The following LIPC variants were observed in gnomAD, a reference collection of about 807,000 sequenced individuals.
LIPC encodes the protein lipase C, hepatic type, also known as hepatic triacylglycerol lipase.
A neutral mutation model predicts 50.7 loss-of-function variants in LIPC; 44 were observed. That is an observed-to-expected ratio of 0.87 (90% CI 0.68 to 1.11). The LOEUF (loss-of-function observed/expected upper bound fraction) is 1.11. LIPC is among the 50% of genes most tolerant of loss of function. The pLI is 0.00. For synonymous variants in LIPC, 271 were observed against 256.4 expected (o/e 1.06, Z -0.54); for missense variants, 697 against 648.2 (o/e 1.08, Z -0.82).
chr15:58,490,795 C>T (rs1891560067), intron 1 of LIPC, among the ~76,000 whole-genome samples: 1 of 152,156 alleles, frequency 6.6e-6, no homozygotes, highest in Non-Finnish European at 1.5e-5. Context: ...GCTACCTGGT[C>T]GCTTCCGGCT....
At chr15:58,516,234 CTTCTTTTT>C (rs1479332214) in intron 1 of LIPC, among the ~76,000 whole-genome samples, 1 of 104,900 alleles carries the variant, frequency 9.5e-6, no homozygotes, top group Non-Finnish European at 2.0e-5. Context: ...TTACCTCTAG[CTTCTTTTT>C]TTTTTTTTTT....
intron 1 of LIPC, among the ~76,000 whole-genome samples, chr15:58,535,789 T>C (rs1893098448): frequency 6.6e-6 from 1 of 152,240 alleles, no homozygotes; most frequent in South Asian, 2.1e-4. Flanking sequence ...AGATAGGCAC[T>C]ATTTTTATCC....
chr15:58,534,567 G>T (rs1386389065), intron 1 of LIPC, among the ~76,000 whole-genome samples: 3 of 152,112 alleles, frequency 2.0e-5, no homozygotes, highest in African/African-American at 7.2e-5. Context: ...AGATTACAGG[G>T]CTCTCAGAGT....
At chr15:58,432,452 T>C in intron 1 of LIPC, 1 of 345,394 alleles carries the variant, frequency 2.9e-6, no homozygotes. Flanking sequence ...TGAGAGTTAA[T>C]GTGGCATCTA....
chr15:58,500,070 CAG>C (rs1891926526), intron 1 of LIPC, among the ~76,000 whole-genome samples: 1 of 152,138 alleles, frequency 6.6e-6, no homozygotes, highest in African/African-American at 2.4e-5. Context: ...GGGCACGGGG[CAG>C]AGTCTGATTC....
chr15:58,549,048 C>T (rs1324453800), intron 6 of LIPC, among the ~76,000 whole-genome samples: 2 of 152,172 alleles, frequency 1.3e-5, no homozygotes, highest in African/African-American at 4.8e-5. Flanking sequence ...ATGATATTCA[C>T]CCTGAGGCAC....
In LIPC at chr15:58,541,886, G is replaced by C; in HGVS notation, c.375G>C (p.Leu125=). 1 of 1,612,352 alleles carries C rather than the reference G, an allele frequency of 6.2e-7. No individual in the cohort carries two copies. The highest frequency in any genetic ancestry group is 1.1e-5 in the South Asian group (1 of 91,028). Residue 125 remains leucine, a synonymous_variant, in exon 3 of 9, where the codon CTG becomes CTC. Coordinates refer to ENST00000299022, the MANE Select transcript of LIPC (RefSeq NM_000236.3). ...VNVGLVDWIT[L]AHDHYTIAVR... is the part of the protein sequence containing the mutation. ...TGGGGCTGGTGGACTGGATCACCCTGGCCCACGACCACTACACCATCGCCG... is the reference window on the plus strand; with the variant it reads ...TGGGGCTGGTGGACTGGATCACCCTCGCCCACGACCACTACACCATCGCCG...
intron 1 of LIPC, among the ~76,000 whole-genome samples, chr15:58,487,256 A>C (rs1203708811): frequency 6.6e-6 from 1 of 152,214 alleles, no homozygotes; most frequent in Non-Finnish European, 1.5e-5. Flanking sequence ...TAAGTAGCTA[A>C]TGACTTAACC....
chr15:58,564,148 A>G (rs911268084), intron 8 of LIPC: 69 of 83,846 alleles, frequency 8.2e-4, no homozygotes, highest in East Asian at 5.2e-3. Flanking sequence ...AAAAATCTCG[A>G]TGTATCTCTC....
chr15:58,516,360 AT>A (rs1489601081), intron 1 of LIPC, among the ~76,000 whole-genome samples: 1 of 141,582 alleles, frequency 7.1e-6, no homozygotes, highest in Non-Finnish European at 1.5e-5. Flanking sequence ...GGATCTATGT[AT>A]TTAGTGCTTT....
At chr15:58,492,245 G>T (rs1464156558) in intron 1 of LIPC, among the ~76,000 whole-genome samples, 7 of 152,174 alleles carry the variant, frequency 4.6e-5, no homozygotes, top group Non-Finnish European at 1.0e-4. Context: ...GGTAGGAAAG[G>T]TCAGGCAAGT....
chr15:58,434,621 G>A (rs1395819676), intron 1 of LIPC, among the ~76,000 whole-genome samples: 3 of 152,250 alleles, frequency 2.0e-5, no homozygotes, highest in Non-Finnish European at 4.4e-5. Flanking sequence ...CTCACAGAGA[G>A]GGAGATTTAG....
At chr15:58,477,287 C>T (rs1891033277) in intron 1 of LIPC, among the ~76,000 whole-genome samples, 1 of 152,152 alleles carries the variant, frequency 6.6e-6, no homozygotes, top group African/African-American at 2.4e-5. Flanking sequence ...AGGGAAGCTA[C>T]GTGAGCCACG....
intron 6 of LIPC, among the ~76,000 whole-genome samples, chr15:58,558,056 G>A (rs1190203931): frequency 2.1e-5 from 3 of 142,516 alleles, no homozygotes; most frequent in Non-Finnish European, 4.6e-5. Context: ...CAGGACTTGC[G>A]CCTATAGCTC....
intron 1 of LIPC, among the ~76,000 whole-genome samples, chr15:58,433,340 A>T (rs1215324750): frequency 6.6e-6 from 1 of 152,182 alleles, no homozygotes; most frequent in Non-Finnish European, 1.5e-5. Context: ...TCTATCATAA[A>T]TCCTCAATGA....
chr15:58,543,780 C>T (rs1314924106), intron 4 of LIPC, among the ~76,000 whole-genome samples: 1 of 152,116 alleles, frequency 6.6e-6, no homozygotes, highest in East Asian at 1.9e-4. Context: ...AAGCCACACC[C>T]AGCTAATTTT....
In LIPC at chr15:58,548,523, C is replaced by G; in HGVS notation, c.1002C>G (p.Ser334Arg). 1 of 1,600,192 alleles carries G rather than the reference C, an allele frequency of 6.2e-7. No homozygotes were observed. The highest frequency in any genetic ancestry group is 8.5e-7 in the Non-Finnish European group (1 of 1,173,016). ...ACCACGTCCGCCAGGAGCCGCGGAGCAAGAGCAAGAGGCTCTTCCTCGTAA... is the reference window on the plus strand; with the variant it reads ...ACCACGTCCGCCAGGAGCCGCGGAGGAAGAGCAAGAGGCTCTTCCTCGTAA... Reference protein sequence around the residue: ...LGYHVRQEPRSKSKRLFLVTR... With the variant: ...LGYHVRQEPRRKSKRLFLVTR... The change falls in exon 6 of 9, where the codon AGC becomes AGG. Residue 334 changes from serine to arginine, a missense_variant. Coordinates refer to ENST00000299022, the MANE Select transcript of LIPC (RefSeq NM_000236.3).
chr15:58,491,482 A>G (rs1462443662), intron 1 of LIPC, among the ~76,000 whole-genome samples: 1 of 152,200 alleles, frequency 6.6e-6, no homozygotes, highest in Non-Finnish European at 1.5e-5. Flanking sequence ...AGACTACTTA[A>G]AACAATAAGA....
intron 7 of LIPC, among the ~76,000 whole-genome samples, chr15:58,563,167 A>T (rs1175820660): frequency 6.6e-6 from 1 of 152,174 alleles, no homozygotes; most frequent in Non-Finnish European, 1.5e-5. Context: ...AACTGTCCAG[A>T]CGCCGTTGCC....
Sources: allele counts gnomAD v4.1 joint callset (sites outside exome capture counted in the v4.1 genomes callset), GRCh38; gene constraint gnomAD v4.1.1; transcripts MANE v1.5; gene names NCBI Gene and HGNC (gene_info 2026-07-23, HGNC 2026-07-21).